The following ZNF518B variants were observed in gnomAD, a reference collection of about 807,000 sequenced individuals.
The protein encoded by ZNF518B is zinc finger protein 518B.
In ZNF518B, 23 loss-of-function variants were observed where a neutral mutation model predicts 56.3. The ratio of observed to expected loss-of-function variants is 0.41; its 90% CI spans 0.29 to 0.58. ZNF518B has a LOEUF of 0.58. ZNF518B is among the 20% of genes least tolerant of loss of function. The pLI is 0.32. For synonymous variants in ZNF518B, 529 were observed against 465.9 expected, an observed-to-expected ratio of 1.14 and a Z score of -1.74; for missense variants, 1,460 against 1,272.1, an observed-to-expected ratio of 1.15 and a Z score of -2.25.
upstream of ZNF518B, among the ~76,000 whole-genome samples, chr4:10,459,924 T>C (rs1560178009): frequency 6.6e-6 from 1 of 152,082 alleles, no homozygotes; most frequent in Non-Finnish European, 1.5e-5. Context: ...GACTACCTAA[T>C]GTAGGAGAGA....
chr4:10,445,095 C>T lies in ZNF518B; in HGVS notation c.1234G>A (p.Val412Ile). 6.2e-7 allele frequency: 1 copy of T among 1,614,196 alleles called. No homozygotes were observed. Among genetic ancestry groups the T allele is most frequent in the South Asian group, 1.1e-5 (1 of 91,082 alleles). The part of the protein sequence containing the change: ...KTKSLTVDGN[V>I]GKLVGIDSFQ... ...CTATCAATGCCTACGAGTTTTCCAA[C>T]ATTCCCGTCAACTGTCAGTGACTTT... is the stretch of plus-strand genomic sequence containing the variant. Residue 412 changes from valine to isoleucine, a missense_variant, in exon 3 of 3, where the codon GTT becomes ATT. Transcript: ENST00000326756.
intron 2 of ZNF518B, chr4:10,454,088 A>G (rs1715432401): frequency 6.6e-6 from 1 of 152,220 alleles, no homozygotes; most frequent in Non-Finnish European, 1.5e-5. Context: ...ACCTGATACT[A>G]CAGGTGCAGG....
At chr4:10,448,150 C>T (rs915626327) in intron 2 of ZNF518B, among the ~76,000 whole-genome samples, 16 of 152,114 alleles carry the variant, frequency 1.1e-4, no homozygotes, top group African/African-American at 3.9e-4. Flanking sequence ...CTCCCAGAGC[C>T]GCCATGATGA....
chr4:10,447,025 C>A (rs1376453915), intron 2 of ZNF518B, among the ~76,000 whole-genome samples: 2 of 152,190 alleles, frequency 1.3e-5, no homozygotes, highest in African/African-American at 4.8e-5. Flanking sequence ...AATACCAACT[C>A]TCTCACTTAC....
intron 2 of ZNF518B, chr4:10,452,563 T>C (rs554279841): frequency 6.6e-6 from 1 of 152,146 alleles, no homozygotes; most frequent in Admixed American, 6.5e-5. Context: ...AGGAAGAAAC[T>C]GTTGCCTCAG....
chr4:10,440,545 T>A lies in ZNF518B; in HGVS notation c.*2559A>T, dbSNP rs1184035182. On this transcript the variant is annotated 3_prime_UTR_variant, in exon 3 of 3. Transcript: ENST00000326756. ...TAACATGTACCTACAGGTTAAGCTA[T>A]CTTCTAAAGCTCTTTAGGGAGGACA... is the stretch of plus-strand genomic sequence containing the variant. 1 of 152,632 alleles carries A rather than the reference T, an allele frequency of 6.6e-6. No individual in the cohort carries two copies. Among genetic ancestry groups the A allele is most frequent in the East Asian group, 1.9e-4 (1 of 5,198 alleles). The allele number at this position is 152,632 out of a possible 1,614,324, so 9.5% of individuals were successfully genotyped here. A position where few individuals can be genotyped will look rare whatever the true frequency, so the allele number is the denominator to read the frequency against.
chr4:10,447,189 G>C (rs760888391), intron 2 of ZNF518B, among the ~76,000 whole-genome samples: 20 of 152,190 alleles, frequency 1.3e-4, no homozygotes, highest in Non-Finnish European at 2.4e-4. Flanking sequence ...CCCTCTCCTG[G>C]TGATGCACAC....
In ZNF518B at chr4:10,445,329, G is replaced by C. The variant is rs968934884; in HGVS notation, c.1000C>G (p.Pro334Ala). The C allele has an allele frequency of 3.7e-6, 6 of 1,614,068 alleles. No homozygotes were observed. Among genetic ancestry groups the C allele is most frequent in the Non-Finnish European group, 5.1e-6 (6 of 1,180,032 alleles). Residue 334 changes from proline (P) to alanine (A), a missense_variant, in exon 3 of 3, where the codon CCA becomes GCA. Pro to Ala is a conservative substitution (Grantham distance 27). Coordinates refer to ENST00000326756, the MANE Select transcript of ZNF518B (RefSeq NM_053042.3). ...TTTGCAGGGACAACTAGTTCTGCTG[G>C]TGCAACAACTGTCAATGGCATACCT... ...QPGMPLTVVA[P>A]AELVVPANCL... is the part of the protein sequence containing the mutation.
Position 10,444,785 on chromosome 4 carries a change from T to A in ZNF518B, c.1544A>T (p.Glu515Val). 6.2e-7 allele frequency: 1 copy of A among 1,613,828 alleles called. No homozygotes were observed. Among genetic ancestry groups the A allele is most frequent in the Non-Finnish European group, 8.5e-7 (1 of 1,179,836 alleles). Residue 515 changes from glutamate (E) to valine (V), a missense_variant, in exon 3 of 3, where the codon GAA becomes GTA. Transcript: ENST00000326756. ...GCTACTGTGTAAATTTCTTCCACTT[T>A]CAGCAAAACAAACAGCAGCTTTATA... ...FPYKAAVCFA[E>V]SGRNLHSSSQ...
upstream of ZNF518B, among the ~76,000 whole-genome samples, chr4:10,458,348 G>A (rs967784448): frequency 6.6e-6 from 1 of 152,136 alleles, no homozygotes; most frequent in Non-Finnish European, 1.5e-5. Flanking sequence ...TGGAGGCGGG[G>A]GCGGGGCAAG....
upstream of ZNF518B, among the ~76,000 whole-genome samples, chr4:10,457,837 GAGATGGCCTTGAAGT>G (rs1271131653): frequency 4.0e-4 from 61 of 152,318 alleles, no homozygotes; most frequent in African/African-American, 1.4e-3. Context: ...TTCAGTGAAG[GAGATGGCCTTGAAGT>G]CCTGGGTACA....
intron 1 of ZNF518B, among the ~76,000 whole-genome samples, chr4:10,456,880 G>A (rs1169850135): frequency 1.3e-5 from 2 of 152,000 alleles, no homozygotes; most frequent in Non-Finnish European, 2.9e-5. Flanking sequence ...TAACGCTGGG[G>A]GCGGGGAGCG....
chr4:10,455,050 A>C (rs1009604490), intron 1 of ZNF518B, 62 bp from the exon 2 acceptor site: 1 of 152,196 alleles, frequency 6.6e-6, no homozygotes. Context: ...GGTTTCTCAG[A>C]GTGTTGAAGA....
chr4:10,445,917 C>G lies in ZNF518B; in HGVS notation c.412G>C (p.Asp138His), dbSNP rs775625429. 38 of 1,614,104 alleles carry G rather than the reference C, an allele frequency of 2.4e-5. 1 individual carries two copies. Among genetic ancestry groups the G allele is most frequent in the Non-Finnish European group, 3.2e-5 (38 of 1,180,056 alleles). The change falls in exon 3 of 3, where the codon GAT (aspartate) becomes CAT (histidine). Residue 138 changes from aspartate (D) to histidine (H), a missense_variant. Physicochemically the swap from Asp to His is moderately conservative, Grantham distance 81. Transcript: ENST00000326756. The stretch of plus-strand genomic sequence containing the variant: ...TCCTTTGTAGAGAATCGACATTTAT[C>G]ACAATAGTATTTGCCTGGCTTAAAG... ...RNFKPGKYYC[D>H]KCRFSTKDPL...
At chr4:10,449,098 G>A (rs550574830) in intron 2 of ZNF518B, among the ~76,000 whole-genome samples, 9 of 152,276 alleles carry the variant, frequency 5.9e-5, no homozygotes, top group Admixed American at 2.0e-4. Context: ...CAGATAAAAC[G>A]GAAAAGCTGC....
At chr4:10,452,945 ACAGCTG>A (rs1189368042) in intron 2 of ZNF518B, 2 of 152,232 alleles carry the variant, frequency 1.3e-5, no homozygotes, top group Non-Finnish European at 2.9e-5. Flanking sequence ...ATGGACCAAG[ACAGCTG>A]CAGGAGACAG....
intron 1 of ZNF518B, chr4:10,457,013 G>C (rs1478197428): frequency 6.7e-6 from 1 of 149,528 alleles, no homozygotes; most frequent in African/African-American, 2.4e-5. Context: ...TGGGGGCGCC[G>C]GGCCGGACCC....
Position 10,445,584 on chromosome 4 carries a change from G to A in ZNF518B, c.745C>T (p.Arg249Trp), listed in dbSNP as rs750433032. Residue 249 changes from arginine to tryptophan, a missense_variant, in exon 3 of 3, where the codon CGG becomes TGG. Transcript: ENST00000326756. ...GACCACTTATTTTGAAATGTAGTCC[G>A]TGGATTGGAAGCTTTTAGAAGCTCT... Reference protein sequence around the residue: ...NPELLKASNPRTTFQNKWSDQ... With the variant: ...NPELLKASNPWTTFQNKWSDQ... The A allele has an allele frequency of 3.3e-5, 54 of 1,614,054 alleles. No homozygotes were observed. Among genetic ancestry groups the A allele is most frequent in the African/African-American group, 9.3e-5 (7 of 74,938 alleles).
intron 1 of ZNF518B, among the ~76,000 whole-genome samples, chr4:10,456,230 ATTACAAT>A (rs1295158582): frequency 1.3e-5 from 2 of 152,004 alleles, no homozygotes; most frequent in Non-Finnish European, 1.5e-5. Flanking sequence ...ATCGTTCATT[ATTACAAT>A]TTTTAAAGTC....
Sources: allele counts gnomAD v4.1 joint callset (sites outside exome capture counted in the v4.1 genomes callset), GRCh38; gene constraint gnomAD v4.1.1; transcripts MANE v1.5; gene names NCBI Gene and HGNC (gene_info 2026-07-23, HGNC 2026-07-21).